Variants in SLC16A10 observed in about 807,000 individuals in gnomAD.
SLC16A10 encodes solute carrier family 16 member 10.
SLC16A10 carries 27 observed loss-of-function variants against 40.0 expected under a neutral mutation model. That is an observed-to-expected ratio of 0.67 (90% CI 0.50 to 0.93). SLC16A10 has a LOEUF of 0.93. Among genes scored for constraint, SLC16A10 ranks in the 40% least tolerant of loss-of-function variants. The pLI, the probability that SLC16A10 is intolerant of heterozygous loss-of-function variation, is 0.00. For synonymous variants in SLC16A10, 213 were observed against 249.8 expected (o/e 0.85, Z 1.39); for missense variants, 529 against 658.2 (o/e 0.80, Z 2.15).
At chr6:111,177,751 T>A (rs1440512093) in intron 3 of SLC16A10, 86 bp downstream of exon 3, 1 of 1,272,730 alleles carries the variant, frequency 7.9e-7, no homozygotes, top group Admixed American at 2.5e-5. Context: ...GAGTTAAAGT[T>A]GGCCTCAAAC....
At chr6:111,100,003 C>CA (rs1273107012) in intron 1 of SLC16A10, among the ~76,000 whole-genome samples, 1 of 131,542 alleles carries the variant, frequency 7.6e-6, no homozygotes, top group Non-Finnish European at 1.6e-5. Context: ...GCCTGGGCAG[C>CA]AGAGCAAGAC....
At chr6:111,143,775 A>G (rs1260433196) in intron 1 of SLC16A10, among the ~76,000 whole-genome samples, 1 of 152,190 alleles carries the variant, frequency 6.6e-6, no homozygotes, top group Non-Finnish European at 1.5e-5. Context: ...CACACGTTGT[A>G]TATTTGTCCA....
At chr6:111,122,603 T>C (rs1320530564) in intron 1 of SLC16A10, among the ~76,000 whole-genome samples, 1 of 152,200 alleles carries the variant, frequency 6.6e-6, no homozygotes, top group Admixed American at 6.5e-5. Context: ...CTCTTGTTAC[T>C]TCTTGTTCTT....
intron 1 of SLC16A10, among the ~76,000 whole-genome samples, chr6:111,157,283 GGTT>G (rs558144801): frequency 1.9e-4 from 29 of 151,718 alleles, no homozygotes; most frequent in African/African-American, 2.7e-4. Context: ...GATAAAACTT[GGTT>G]GTTGTTGTTG....
intron 3 of SLC16A10, among the ~76,000 whole-genome samples, chr6:111,200,578 G>A (rs950468319): frequency 5.3e-5 from 8 of 152,002 alleles, no homozygotes; most frequent in Non-Finnish European, 7.4e-5. Context: ...AACACAAATC[G>A]TTTAAAAAAG....
Position 111,102,159 on chromosome 6 carries a change from T to C in SLC16A10, c.343+14064T>C, listed in dbSNP as rs1771202767. Among the ~76,000 whole-genome samples, 9 of 152,334 alleles carry C rather than the reference T, an allele frequency of 5.9e-5. No individual in the cohort carries two copies. In the South Asian group the frequency reaches 1.9e-3, roughly 32 times the overall value. On this transcript the variant is annotated intron_variant, in intron 1 of 5. Transcript: ENST00000368851. ...TATATGTCGTCGAACAAATTGTTTTTTTCCCCTCTCTTGGATTGCTTCCTT... is the reference window on the plus strand; with the variant it reads ...TATATGTCGTCGAACAAATTGTTTTCTTCCCCTCTCTTGGATTGCTTCCTT...
intron 3 of SLC16A10, among the ~76,000 whole-genome samples, chr6:111,181,493 A>T: frequency 6.6e-6 from 1 of 152,192 alleles, no homozygotes; most frequent in East Asian, 1.9e-4. Flanking sequence ...GATAATACCC[A>T]TTTGGAAAAG....
At chr6:111,199,199 C>G (rs560598663) in intron 3 of SLC16A10, among the ~76,000 whole-genome samples, 61 of 152,242 alleles carry the variant, frequency 4.0e-4, no homozygotes, top group Non-Finnish European at 7.5e-4. Flanking sequence ...GGGGCTCATG[C>G]CAGTAGTCCC....
chr6:111,124,351 G>T (rs1383580468), intron 1 of SLC16A10, among the ~76,000 whole-genome samples: 1 of 150,092 alleles, frequency 6.7e-6, no homozygotes, highest in Non-Finnish European at 1.5e-5. Flanking sequence ...TTCCCCAATA[G>T]AGTGATTTTT....
chr6:111,096,414 C>T (rs1012997895), intron 1 of SLC16A10, among the ~76,000 whole-genome samples: 1 of 152,210 alleles, frequency 6.6e-6, no homozygotes, highest in African/African-American at 2.4e-5. Flanking sequence ...GTGCCACCCA[C>T]GCAGGGACTG....
chr6:111,175,601 G>C (rs1772665033), intron 2 of SLC16A10, among the ~76,000 whole-genome samples: 1 of 152,172 alleles, frequency 6.6e-6, no homozygotes. Flanking sequence ...AACTGATACA[G>C]AATGAATGAA....
intron 4 of SLC16A10, among the ~76,000 whole-genome samples, chr6:111,215,670 T>A (rs1773410404): frequency 6.6e-6 from 1 of 152,188 alleles, no homozygotes; most frequent in African/African-American, 2.4e-5. Context: ...CATGTTTATC[T>A]CCTTTTATGT....
At chr6:111,170,478 C>T (rs1442766060) in intron 1 of SLC16A10, among the ~76,000 whole-genome samples, 2 of 152,300 alleles carry the variant, frequency 1.3e-5, no homozygotes, top group South Asian at 2.1e-4. Flanking sequence ...GAAAGCGTCT[C>T]GCTCAGCTGC....
Position 111,217,304 on chromosome 6 carries a change from CAAT to C in SLC16A10, c.1087-1509_1087-1507del, listed in dbSNP as rs1280452640. On this transcript the variant is annotated intron_variant, in intron 4 of 5. Transcript: ENST00000368851. Reference sequence around the variant, plus strand: ...TTATGAGGATCACCAGTGAGATAATCAATCTAAAGTGCTTACAACAATGCTTGG... The same window carrying C: ...TTATGAGGATCACCAGTGAGATAATCCTAAAGTGCTTACAACAATGCTTGG... Among the ~76,000 whole-genome samples the C allele has an allele frequency of 4.9e-3, 747 of 152,334 alleles. 1 individual carries two copies. Among genetic ancestry groups the C allele is most frequent in the South Asian group, 0.013 (64 of 4,830 alleles).
chr6:111,169,873 A>G (rs1196959192), intron 1 of SLC16A10, among the ~76,000 whole-genome samples: 1 of 151,544 alleles, frequency 6.6e-6, no homozygotes, highest in Non-Finnish European at 1.5e-5. Flanking sequence ...ATCCACAGTA[A>G]TTCACAGAAA....
In SLC16A10 at chr6:111,177,441, T is replaced by C; in HGVS notation, c.718T>C (p.Phe240Leu). ...LFYTLRVLCI[F>L]MFVLFLAGFT... ...TTACACATTGAGGGTGCTCTGCATC[T>C]TCATGTTTGTTCTCTTTCTGGCTGG... is the stretch of plus-strand genomic sequence containing the variant. Residue 240 changes from phenylalanine (F) to leucine (L), a missense_variant, in exon 3 of 6, where the codon TTC (phenylalanine) becomes CTC (leucine). Transcript: ENST00000368851. 1 of 1,614,140 alleles carries C rather than the reference T, an allele frequency of 6.2e-7. No individual in the cohort carries two copies. The highest frequency in any genetic ancestry group is 8.5e-7 in the Non-Finnish European group (1 of 1,180,018).
intron 3 of SLC16A10, among the ~76,000 whole-genome samples, chr6:111,182,114 T>C (rs921968425): frequency 2.0e-5 from 3 of 152,028 alleles, no homozygotes; most frequent in Admixed American, 1.3e-4. Flanking sequence ...TTCTCCTGCC[T>C]CAACCTCCCT....
chr6:111,202,884 CAAAAA>C (rs567667458), intron 3 of SLC16A10, among the ~76,000 whole-genome samples: 3 of 86,318 alleles, frequency 3.5e-5, no homozygotes, highest in Admixed American at 1.3e-4. Context: ...GAGACTCCAT[CAAAAA>C]AAAAAAAAAA....
At chr6:111,221,192 T>G (rs1410984130) in intron 5 of SLC16A10, among the ~76,000 whole-genome samples, 1 of 152,178 alleles carries the variant, frequency 6.6e-6, no homozygotes, top group Non-Finnish European at 1.5e-5. Context: ...TTTAAAACCA[T>G]GAGTCCTGGA....
Sources: gnomAD v4.1 joint callset for allele counts (sites outside exome capture counted in the v4.1 genomes callset) on GRCh38, gnomAD v4.1.1 for gene constraint, MANE v1.5 for transcripts, NCBI Gene and HGNC (gene_info 2026-07-23, HGNC 2026-07-21) for gene names.